Variants in SZT2 observed in about 807,000 individuals in gnomAD.
The protein encoded by SZT2 is SZT2 subunit of KICSTOR complex, also known as KICSTOR complex protein SZT2.
Under a neutral mutation model 404.2 loss-of-function variants are expected in SZT2, and 216 were observed. The observed-to-expected ratio is 0.53, with a 90% CI of 0.48 to 0.60. The LOEUF is 0.60. Ranked by LOEUF, SZT2 falls within the 20% of genes least tolerant of loss-of-function variation. The pLI is 0.00. For synonymous variants in SZT2, 1,693 were observed against 1,749.9 expected, an observed-to-expected ratio of 0.97 and a Z score of 0.81; for missense variants, 3,857 against 4,459.2, an observed-to-expected ratio of 0.86 and a Z score of 3.85.
Position 43,420,777 on chromosome 1 carries a change from G to A in SZT2, c.1290G>A (p.Val430=), listed in dbSNP as rs1189010591. ...KGGSQLEVKL[V]LLWKHNMRIE... Reference sequence around the variant, plus strand: ...GGTCCCAATTGGAGGTAAAGCTGGTGCTGCTGTGGAAACACAACATGCGCA... The same window carrying A: ...GGTCCCAATTGGAGGTAAAGCTGGTACTGCTGTGGAAACACAACATGCGCA... The change falls in exon 10 of 72, where the codon GTG becomes GTA. Residue 430 remains valine (V), a synonymous_variant. Transcript: ENST00000634258. The surrounding 1 kb of genome is among the most constrained non-coding windows in gnomAD (Gnocchi z 5.1). 1 of 1,598,420 alleles carries A rather than the reference G, an allele frequency of 6.3e-7. No individual in the cohort carries two copies. Among genetic ancestry groups the A allele is most frequent in the Non-Finnish European group, 8.5e-7 (1 of 1,179,814 alleles).
At position 43,437,786 on chromosome 1, in the gene SZT2, T is replaced by C. The variant is rs752554316; in HGVS notation, c.6397-5T>C. 1.2e-6 allele frequency: 2 copies of C among 1,614,186 alleles called. No individual in the cohort carries two copies. Among genetic ancestry groups the C allele is most frequent in the Non-Finnish European group, 8.5e-7 (1 of 1,180,026 alleles). On this transcript the variant is annotated splice_region_variant and splice_polypyrimidine_tract_variant and intron_variant, in intron 45 of 71. Coordinates refer to ENST00000634258, the MANE Select transcript of SZT2 (RefSeq NM_001365999.1). The surrounding 1 kb of genome is among the most constrained non-coding windows in gnomAD (Gnocchi z 5.3). ...CCGGGGCCCTGACCACAGTTTTCCC[T>C]GTAGGGTCCTCGTTCTCCCTTAGAC...
Position 43,427,096 on chromosome 1 carries a change from C to T in SZT2, c.3350C>T (p.Ala1117Val). 2 of 1,614,218 alleles carry T rather than the reference C, an allele frequency of 1.2e-6. No homozygotes were observed. The highest frequency in any genetic ancestry group is 1.7e-6 in the Non-Finnish European group (2 of 1,180,038). ...LPETLKPLIS[A>V]QPPQWRCYAR... The stretch of plus-strand genomic sequence containing the variant: ...GAAACTCTCAAGCCTCTCATCTCTG[C>T]CCAGCCCCCTCAGTGGCGCTGCTAT... The change falls in exon 24 of 72, where the codon GCC (alanine) becomes GTC (valine). Residue 1117 changes from alanine (A) to valine (V), a missense_variant. By Grantham distance (64) the Ala-to-Val change is moderately conservative (BLOSUM62 0). Transcript: ENST00000634258.
Position 43,425,667 on chromosome 1 carries a change from G to C in SZT2, c.2814+25G>C, listed in dbSNP as rs199719582. The C allele has an allele frequency of 1.2e-6, 2 of 1,611,404 alleles. No individual in the cohort carries two copies. Among genetic ancestry groups the C allele is most frequent in the South Asian group, 2.2e-5 (2 of 90,990 alleles). On this transcript the variant is annotated intron_variant, in intron 19 of 71. Transcript: ENST00000634258. The surrounding 1 kb of genome is among the most constrained non-coding windows in gnomAD (Gnocchi z 4.3). Reference sequence around the variant, plus strand: ...TGTGAGTGTCCTCAGAACAGTACCCGCACCTCTCTCACTGGATTGGGGTGC... The same window carrying C: ...TGTGAGTGTCCTCAGAACAGTACCCCCACCTCTCTCACTGGATTGGGGTGC...
Position 43,442,942 on chromosome 1 carries a change from C to T in SZT2, c.8275C>T (p.Leu2759=). 6.2e-7 allele frequency: 1 copy of T among 1,614,164 alleles called. No individual in the cohort carries two copies. Residue 2759 remains leucine, a synonymous_variant, in exon 59 of 72, where the codon CTG becomes TTG. Coordinates refer to ENST00000634258, the MANE Select transcript of SZT2 (RefSeq NM_001365999.1). The surrounding 1 kb of genome is among the most constrained non-coding windows in gnomAD (Gnocchi z 4.5). ...GSSRGGGPLP[L]DTFPFDEALR... is the part of the protein sequence containing the mutation. ...CTCTCGTGGTGGGGGTCCTCTTCCCCTGGACACATTCCCCTTTGACGAGGC... is the reference window on the plus strand; with the variant it reads ...CTCTCGTGGTGGGGGTCCTCTTCCCTTGGACACATTCCCCTTTGACGAGGC...
In SZT2 at chr1:43,395,592, C is replaced by T. The variant is rs138942108; in HGVS notation, c.27+5597C>T. Among the ~76,000 whole-genome samples, 221 of 152,360 alleles carry T rather than the reference C, an allele frequency of 1.5e-3. 2 individuals are homozygous for T. The highest frequency in any genetic ancestry group is 6.8e-3 in the Middle Eastern group (2 of 294). On this transcript the variant is annotated intron_variant, in intron 1 of 71. Coordinates refer to ENST00000634258, the MANE Select transcript of SZT2 (RefSeq NM_001365999.1). ...CTGGAATTGCAGGCATGGGCCACTG[C>T]ACGTGGCTGTTACTTGTTTTTGTAG... is the stretch of plus-strand genomic sequence containing the variant.
Position 43,450,136 on chromosome 1 carries a change from G to C in SZT2, c.10120G>C (p.Val3374Leu). The change falls in exon 71 of 72, where the codon GTG becomes CTG. Residue 3374 changes from valine to leucine, a missense_variant. By Grantham distance (32) the Val-to-Leu change is conservative. Coordinates refer to ENST00000634258, the MANE Select transcript of SZT2 (RefSeq NM_001365999.1). This position sits in a 1 kb window ranked among gnomAD's most constrained non-coding sequence, Gnocchi z 4.3. Reference protein sequence around the residue: ...VLNQKFTDCFVLVFLDSHLGK... With the variant: ...VLNQKFTDCFLLVFLDSHLGK... ...GAATCAGAAGTTCACTGACTGCTTT[G>C]TGCTAGTGTTTCTGGACTCCCACTT... is the stretch of plus-strand genomic sequence containing the variant. 1 of 1,614,134 alleles carries C rather than the reference G, an allele frequency of 6.2e-7. No individual in the cohort carries two copies. Among genetic ancestry groups the C allele is most frequent in the Non-Finnish European group, 8.5e-7 (1 of 1,179,996 alleles).
In SZT2 at chr1:43,437,194, G is replaced by A; in HGVS notation, c.6058G>A (p.Ala2020Thr). Residue 2020 changes from alanine (A) to threonine (T), a missense_variant, in exon 43 of 72, where the codon GCG becomes ACG. Transcript: ENST00000634258. The surrounding 1 kb of genome is among the most constrained non-coding windows in gnomAD (Gnocchi z 5.3). ...AGATTATGCTGCTGATGAGAGCTGTGCGCCCCGTGGGTACCTGGCAGCCAC... is the reference window on the plus strand; with the variant it reads ...AGATTATGCTGCTGATGAGAGCTGTACGCCCCGTGGGTACCTGGCAGCCAC... ...SDDYAADESC[A>T]PRGYLAATMQ... 1.2e-6 allele frequency: 2 copies of A among 1,614,170 alleles called. No individual in the cohort carries two copies. The highest frequency in any genetic ancestry group is 1.7e-6 in the Non-Finnish European group (2 of 1,180,050).
chr1:43,447,303 C>T, intron 66 of SZT2, 135 bp downstream of exon 66: 7 of 1,137,392 alleles, frequency 6.2e-6, no homozygotes, highest in Non-Finnish European at 8.7e-6. Flanking sequence ...CATACCACGT[C>T]CCCATGTTTC....
intron 4 of SZT2, chr1:43,412,236 C>T (rs1479432395): frequency 6.6e-6 from 1 of 152,298 alleles, no homozygotes; most frequent in Non-Finnish European, 1.5e-5. Context: ...GAAATACTCA[C>T]AATAGGCTGT....
At chr1:43,423,018 T>C in intron 14 of SZT2, 81 bp from the exon 15 acceptor site, 1 of 1,504,212 alleles carries the variant, frequency 6.6e-7, no homozygotes, top group Non-Finnish European at 8.9e-7. Context: ...AAGAGGGCTG[T>C]GTCTCACTTT....
In SZT2 at chr1:43,430,328, C is replaced by A. The variant is rs377200944; in HGVS notation, c.4419C>A (p.Asp1473Glu). 12 of 1,612,270 alleles carry A rather than the reference C, an allele frequency of 7.4e-6. No individual in the cohort carries two copies. The highest frequency in any genetic ancestry group is 8.5e-6 in the Non-Finnish European group (10 of 1,179,610). ...TTGCCTAGGATGAGGGGCCTCGGGA[C>A]ACAGTAGACAGAAAAATCAGTGACC... ...SSRREDEGPR[D>E]TVDRKISDLE... Residue 1473 changes from aspartate (D) to glutamate (E), a missense_variant, in exon 31 of 72, where the codon GAC (aspartate) becomes GAA (glutamate). This residue lies in a region of SZT2 where 1,725 missense variants were observed against 1,881.0 expected (regional missense o/e 0.92). Coordinates refer to ENST00000634258, the MANE Select transcript of SZT2 (RefSeq NM_001365999.1).
Position 43,426,141 on chromosome 1 carries a change from G to T in SZT2, c.3033G>T (p.Leu1011Phe). 6.2e-7 allele frequency: 1 copy of T among 1,614,134 alleles called. No homozygotes were observed. Among genetic ancestry groups the T allele is most frequent in the Non-Finnish European group, 8.5e-7 (1 of 1,180,026 alleles). The change falls in exon 21 of 72, where the codon TTG becomes TTT. Residue 1011 changes from leucine to phenylalanine, a missense_variant. Physicochemically the swap from Leu to Phe is conservative, Grantham distance 22. This residue lies in a region of SZT2 where 1,725 missense variants were observed against 1,881.0 expected (regional missense o/e 0.92). Transcript: ENST00000634258. The surrounding 1 kb of genome is among the most constrained non-coding windows in gnomAD (Gnocchi z 4.9). Reference sequence around the variant, plus strand: ...AGCAGCTCCAGATGTTCTTCCTCTTGCTTGCCAGAGGTAGGTGAACCTGGT... The same window carrying T: ...AGCAGCTCCAGATGTTCTTCCTCTTTCTTGCCAGAGGTAGGTGAACCTGGT... ...QCQQLQMFFL[L>F]LAREPEGVPF... is the part of the protein sequence containing the mutation.
intron 11 of SZT2, among the ~76,000 whole-genome samples, chr1:43,421,843 G>A (rs1652400942): frequency 6.6e-6 from 1 of 152,214 alleles, no homozygotes. Flanking sequence ...TGGGCTTATG[G>A]TTCCATCCTT....
At position 43,443,445 on chromosome 1, in the gene SZT2, C is replaced by T. The variant is rs146439294; in HGVS notation, c.8593C>T (p.Pro2865Ser). Reference sequence around the variant, plus strand: ...CGACCCAGCTGCCTGGCTGCATGGGCCCCCAGAGACCTCTGGACCCCCTGA... The same window carrying T: ...CGACCCAGCTGCCTGGCTGCATGGGTCCCCAGAGACCTCTGGACCCCCTGA... ...LFDPAAWLHG[P>S]PETSGPPDGQ... Residue 2865 changes from proline to serine, a missense_variant, in exon 61 of 72, where the codon CCC (proline) becomes TCC (serine). By Grantham distance (74) the Pro-to-Ser change is moderately conservative. Coordinates refer to ENST00000634258, the MANE Select transcript of SZT2 (RefSeq NM_001365999.1). 8 of 1,614,086 alleles carry T rather than the reference C, an allele frequency of 5.0e-6. No homozygotes were observed. The highest frequency in any genetic ancestry group is 4.0e-5 in the African/African-American group (3 of 74,938).
chr1:43,447,209 A>G, intron 66 of SZT2, 41 bp downstream of exon 66: 2 of 1,572,208 alleles, frequency 1.3e-6, no homozygotes, highest in Non-Finnish European at 8.6e-7. Flanking sequence ...AAAAAAGAAC[A>G]GGCCACAGGT....
chr1:43,424,190 T>G lies in SZT2; in HGVS notation c.2256-27T>G, dbSNP rs72883811. 1.4e-3 allele frequency: 2,294 copies of G among 1,585,146 alleles called. 22 individuals are homozygous for G. In the African/African-American group the frequency reaches 0.027, roughly 18 times the overall value. ...GTGGCTTAGCCGGGGATGAGAGAGA[T>G]AGCTGGGGAGTTGTCCCATTTCCTA... On this transcript the variant is annotated intron_variant, in intron 15 of 71. Coordinates refer to ENST00000634258, the MANE Select transcript of SZT2 (RefSeq NM_001365999.1). This position sits in a 1 kb window ranked among gnomAD's most constrained non-coding sequence, Gnocchi z 4.1.
At position 43,433,183 on chromosome 1, in the gene SZT2, C is replaced by T. The variant is rs2153934308; in HGVS notation, c.5797C>T (p.His1933Tyr). The T allele has an allele frequency of 1.2e-6, 2 of 1,613,456 alleles. No homozygotes were observed. Among genetic ancestry groups the T allele is most frequent in the Non-Finnish European group, 1.7e-6 (2 of 1,179,960 alleles). The part of the protein sequence containing the change: ...VLQDRVEVYA[H>Y]ARSLIREDGG... ...GCAGGACCGTGTGGAAGTGTATGCA[C>T]ATGCACGGTAAGTAGAAGCCAGGGC... The change falls in exon 40 of 72, where the codon CAT (histidine) becomes TAT (tyrosine). Residue 1933 changes from histidine to tyrosine, a missense_variant. Physicochemically the swap from His to Tyr is moderately conservative, Grantham distance 83. This residue lies in a region of SZT2 where 1,725 missense variants were observed against 1,881.0 expected (regional missense o/e 0.92). Transcript: ENST00000634258.
At chr1:43,434,953 G>C (rs139594685) in intron 41 of SZT2, among the ~76,000 whole-genome samples, 1 of 152,336 alleles carries the variant, frequency 6.6e-6, no homozygotes, top group Non-Finnish European at 1.5e-5. Flanking sequence ...CTTCTTAGAG[G>C]AAGTGATTTT....
Position 43,448,027 on chromosome 1 carries a change from C to T in SZT2, c.9564-52C>T, listed in dbSNP as rs887187686. ...ATTTCCCAGCCTGCCCCACCCTGCCCTGTGTGTCTCTTGCTACAACCACCA... is the reference window on the plus strand; with the variant it reads ...ATTTCCCAGCCTGCCCCACCCTGCCTTGTGTGTCTCTTGCTACAACCACCA... On this transcript the variant is annotated intron_variant, in intron 68 of 71. Coordinates refer to ENST00000634258, the MANE Select transcript of SZT2 (RefSeq NM_001365999.1). This position sits in a 1 kb window ranked among gnomAD's most constrained non-coding sequence, Gnocchi z 4.2. 1.1e-5 allele frequency: 18 copies of T among 1,610,472 alleles called. No homozygotes were observed. The African/African-American group carries it at 2.1e-4, about 19-fold the overall frequency.
Sources: gnomAD v4.1 joint callset for allele counts (sites outside exome capture counted in the v4.1 genomes callset) on GRCh38, gnomAD v4.1.1 for gene constraint, gnomAD v4.1.1 regional missense constraint, Gnocchi (gnomAD v3.1) non-coding constraint, MANE v1.5 for transcripts, NCBI Gene and HGNC (gene_info 2026-07-23, HGNC 2026-07-21) for gene names.